Variants in ARHGEF12 observed in about 807,000 individuals in gnomAD.
The protein encoded by ARHGEF12 is KMT2A/ARHGEF12 fusion protein.
ARHGEF12 carries 66 observed loss-of-function variants against 211.2 expected under a neutral mutation model. The ratio of observed to expected loss-of-function variants is 0.31; its 90% confidence interval spans 0.26 to 0.38. The LOEUF is 0.38. ARHGEF12 is among the 10% of genes least tolerant of loss of function. ARHGEF12 has a pLI of 1.00. For missense variants in ARHGEF12, 1,429 were observed against 1,869.5 expected, an observed-to-expected ratio of 0.76 and a Z score of 4.34; for synonymous variants, 592 against 638.4, an observed-to-expected ratio of 0.93 and a Z score of 1.09.
intron 1 of ARHGEF12, among the ~76,000 whole-genome samples, chr11:120,384,255 A>G (rs1242539562): frequency 6.6e-6 from 1 of 152,176 alleles, no homozygotes; most frequent in African/African-American, 2.4e-5. Context: ...CACTAACTGT[A>G]GTTTTGAGGT....
chr11:120,442,870 C>T (rs923441434), intron 15 of ARHGEF12, among the ~76,000 whole-genome samples: 1 of 152,062 alleles, frequency 6.6e-6, no homozygotes, highest in African/African-American at 2.4e-5. Context: ...CACTTCCTTT[C>T]CTAGTCCTTT....
chr11:120,402,864 C>CT lies in ARHGEF12; in HGVS notation c.33-3251dup, dbSNP rs537831256. The stretch of plus-strand genomic sequence containing the variant: ...TGTGACGACACAAAACTTTCTGGTC[C>CT]TTTGCAATTTTTTAAGTCCAAAAGA... On this transcript the variant is annotated intron_variant, in intron 1 of 40. Transcript: ENST00000397843. Among the ~76,000 whole-genome samples, 5 of 152,226 alleles carry CT rather than the reference C, an allele frequency of 3.3e-5. No individual in the cohort carries two copies. In the East Asian group the frequency reaches 9.7e-4, roughly 29 times the overall value.
intron 9 of ARHGEF12, 94 bp from the exon 10 acceptor site, chr11:120,429,618 A>C (rs11217865): frequency 0.2 from 314,465 of 1,551,688 alleles, 34,714 homozygotes; most frequent in Non-Finnish European, 0.23. Flanking sequence ...ATTGTAACCA[A>C]TGCCATTAGT....
chr11:120,463,669 C>G (rs1390339528), intron 27 of ARHGEF12: 4 of 152,006 alleles, frequency 2.6e-5, no homozygotes, highest in African/African-American at 9.7e-5. Context: ...CTGCCAGTCT[C>G]CTTGTTAAAC....
intron 23 of ARHGEF12, 170 bp from the exon 24 acceptor site, chr11:120,457,551 G>A (rs1263904160): frequency 1.0e-5 from 5 of 480,408 alleles, no homozygotes; most frequent in Non-Finnish European, 1.8e-5. Flanking sequence ...TAACTGAAAT[G>A]TAGAAAGGTA....
In ARHGEF12 at chr11:120,446,991, A is replaced by T; in HGVS notation, c.1495A>T (p.Thr499Ser). The change falls in exon 18 of 41, where the codon ACT becomes TCT. Residue 499 changes from threonine (T) to serine (S), a missense_variant. This residue lies in a region of ARHGEF12 where 373 missense variants were observed against 467.5 expected (regional missense o/e 0.80). Coordinates refer to ENST00000397843, the MANE Select transcript of ARHGEF12 (RefSeq NM_015313.3). ...ACTGACCTTGGCTGAAAGCGAGCTG[A>T]CTAAACTTGATGCAGAGCGAGACAA... ...MGLTLAESEL[T>S]KLDAERDKDR... is the part of the protein sequence containing the mutation. 6.2e-7 allele frequency: 1 copy of T among 1,614,192 alleles called. No homozygotes were observed. The highest frequency in any genetic ancestry group is 1.1e-5 in the South Asian group (1 of 91,076).
chr11:120,347,656 G>T (rs1011498862), intron 1 of ARHGEF12, among the ~76,000 whole-genome samples: 3 of 152,152 alleles, frequency 2.0e-5, no homozygotes, highest in African/African-American at 4.8e-5. Flanking sequence ...AGGTTAGTTT[G>T]TCTTGAAGGC....
intron 1 of ARHGEF12, among the ~76,000 whole-genome samples, chr11:120,381,954 A>G (rs1279384815): frequency 1.3e-5 from 2 of 152,212 alleles, no homozygotes; most frequent in African/African-American, 2.4e-5. Flanking sequence ...CAAAGATTGT[A>G]TCGGGCTTCT....
intron 4 of ARHGEF12, among the ~76,000 whole-genome samples, chr11:120,419,695 A>AT (rs1343875701): frequency 6.6e-6 from 1 of 152,066 alleles, no homozygotes; most frequent in Non-Finnish European, 1.5e-5. Context: ...GTCTATATAT[A>AT]TTTTTTATTA....
chr11:120,356,597 AG>A lies in ARHGEF12; in HGVS notation c.32+19324del, dbSNP rs550420734. ...TAATCTTTCCTTTGTTACCCCATCT[AG>A]GTCCTCTGCTCTCCCTCAACCTTTT... On this transcript the variant is annotated intron_variant, in intron 1 of 40. Coordinates refer to ENST00000397843, the MANE Select transcript of ARHGEF12 (RefSeq NM_015313.3). Among the ~76,000 whole-genome samples, 648 of 152,250 alleles carry A rather than the reference AG, an allele frequency of 4.3e-3. 6 individuals carry two copies. The highest frequency in any genetic ancestry group is 0.015 in the African/African-American group (612 of 41,542).
chr11:120,369,432 T>C (rs1486115717), intron 1 of ARHGEF12, among the ~76,000 whole-genome samples: 2 of 152,188 alleles, frequency 1.3e-5, no homozygotes, highest in Non-Finnish European at 2.9e-5. Context: ...CTCGGCCAGA[T>C]CTTTTGTTTT....
intron 1 of ARHGEF12, among the ~76,000 whole-genome samples, chr11:120,344,265 C>CAAAAAAAAAAAAAA (rs71473103): frequency 3.8e-5 from 2 of 53,024 alleles, no homozygotes; most frequent in African/African-American, 1.4e-4. Context: ...GACTCCGTCT[C>CAAAAAAAAAAAAAA]AAAAAAAAAA....
Position 120,480,400 on chromosome 11 carries a change from G to C in ARHGEF12, c.4207G>C (p.Glu1403Gln), listed in dbSNP as rs1947198979. 1 of 1,611,112 alleles carries C rather than the reference G, an allele frequency of 6.2e-7. No individual in the cohort carries two copies. The highest frequency in any genetic ancestry group is 1.1e-5 in the South Asian group (1 of 90,650). The change falls in exon 38 of 41, where the codon GAA becomes CAA. Residue 1403 changes from glutamate to glutamine, a missense_variant. Coordinates refer to ENST00000397843, the MANE Select transcript of ARHGEF12 (RefSeq NM_015313.3). ...AGAAGGTGATGGAGCAGTTAACAAG[G>C]AAGAGAAGGATGTTAATTTACGCAT... ...PSEGDGAVNK[E>Q]EKDVNLRISG...
At position 120,458,148 on chromosome 11, in the gene ARHGEF12, A is replaced by T. The variant is rs757868732; in HGVS notation, c.2294A>T (p.Asp765Val). The T allele has an allele frequency of 3.1e-6, 5 of 1,611,824 alleles. No homozygotes were observed. The highest frequency in any genetic ancestry group is 4.2e-6 in the Non-Finnish European group (5 of 1,179,494). ...CAATTTGAAAATGACTTAGAGACAG[A>T]TCCACCCAACTGGCAGCAGCTTGTT... Reference protein sequence around the residue: ...DEQFENDLETDPPNWQQLVSR... With the variant: ...DEQFENDLETVPPNWQQLVSR... The change falls in exon 25 of 41, where the codon GAT becomes GTT. Residue 765 changes from aspartate to valine, a missense_variant. Physicochemically the swap from Asp to Val is radical, Grantham distance 152. Coordinates refer to ENST00000397843, the MANE Select transcript of ARHGEF12 (RefSeq NM_015313.3).
intron 10 of ARHGEF12, among the ~76,000 whole-genome samples, chr11:120,430,239 G>A (rs1945484913): frequency 6.6e-6 from 1 of 152,012 alleles, no homozygotes; most frequent in Non-Finnish European, 1.5e-5. Context: ...ATATGGACAA[G>A]CATTTTCTTA....
intron 11 of ARHGEF12, among the ~76,000 whole-genome samples, chr11:120,432,787 T>C (rs1022252919): frequency 6.6e-6 from 1 of 152,212 alleles, no homozygotes; most frequent in East Asian, 1.9e-4. Context: ...GTTGGGGGAT[T>C]GTTTTGTTTT....
chr11:120,370,032 A>C (rs970805395), intron 1 of ARHGEF12, among the ~76,000 whole-genome samples: 1 of 152,156 alleles, frequency 6.6e-6, no homozygotes, highest in African/African-American at 2.4e-5. Flanking sequence ...ACATTATGGA[A>C]ATTTTTGCAG....
chr11:120,445,463 A>G lies in ARHGEF12; in HGVS notation c.1344A>G (p.Leu448=). The G allele has an allele frequency of 6.2e-7, 1 of 1,613,990 alleles. No homozygotes were observed. Among genetic ancestry groups the G allele is most frequent in the Non-Finnish European group, 8.5e-7 (1 of 1,179,948 alleles). ...VSVPDEMSAD[L]EKRRPELIPE... ...TTCCTGATGAAATGTCTGCAGATCTAGGTAAGCTTGGAGCACTAACATCCT... is the reference window on the plus strand; with the variant it reads ...TTCCTGATGAAATGTCTGCAGATCTGGGTAAGCTTGGAGCACTAACATCCT... The change falls in exon 16 of 41, where the codon CTA becomes CTG. Residue 448 remains leucine (L), a splice_region_variant and synonymous_variant. Transcript: ENST00000397843.
At chr11:120,420,555 A>G (rs1260235640) in intron 4 of ARHGEF12, among the ~76,000 whole-genome samples, 198 bp from the exon 5 acceptor site, 1 of 152,218 alleles carries the variant, frequency 6.6e-6, no homozygotes, top group Non-Finnish European at 1.5e-5. Flanking sequence ...CCAGTGAGAA[A>G]ACAGTATGTG....
Sources: allele counts gnomAD v4.1 joint callset (sites outside exome capture counted in the v4.1 genomes callset), GRCh38; gene constraint gnomAD v4.1.1; regional missense constraint gnomAD v4.1.1; transcripts MANE v1.5; gene names NCBI Gene and HGNC (gene_info 2026-07-23, HGNC 2026-07-21).